The following GLRA2 variants were observed in gnomAD, a reference collection of about 807,000 sequenced individuals.
GLRA2 encodes the protein glycine receptor alpha 2.
A neutral mutation model predicts 31.6 loss-of-function variants in GLRA2; 11 were observed. The ratio of observed to expected loss-of-function variants is 0.35; its 90% CI spans 0.22 to 0.58. The LOEUF (loss-of-function observed/expected upper bound fraction) is 0.58. Ranked by LOEUF, GLRA2 falls within the 20% of genes least tolerant of loss-of-function variation. GLRA2 has a pLI of 0.84. For missense variants in GLRA2, 212 were observed against 351.8 expected, an observed-to-expected ratio of 0.60 and a Z score of 3.18; for synonymous variants, 132 against 134.0, an observed-to-expected ratio of 0.99 and a Z score of 0.10.
intron 7 of GLRA2, among the ~76,000 whole-genome samples, chrX:14,619,141 G>T (rs1214378237): frequency 9.0e-6 from 1 of 110,930 alleles, no homozygotes; most frequent in African/African-American, 3.3e-5. Context: ...TTGGGGTCTT[G>T]GGATTTAGAA....
chrX:14,466,589 A>AT, the GLRA2 span, among the ~76,000 whole-genome samples: 5 of 109,845 alleles, frequency 4.6e-5, no homozygotes, highest in African/African-American at 6.7e-5. Context: ...CCTCACAGGG[A>AT]TTTTTTTTGT....
the GLRA2 span, among the ~76,000 whole-genome samples, chrX:14,510,903 C>T: frequency 9.0e-6 from 1 of 110,679 alleles, no homozygotes; most frequent in Non-Finnish European, 1.9e-5. Context: ...TCCTTTATAA[C>T]ACTTTGGTTT....
At position 14,571,110 on chromosome X, in the gene GLRA2, G is replaced by C. The variant is rs146247705; in HGVS notation, c.203-3223G>C. ...GGAGACAAGGAAGGAACGAAGGATA[G>C]GAATGATAGTGCCATGAAAAACTAG... is the stretch of plus-strand genomic sequence containing the variant. On this transcript the variant is annotated intron_variant, in intron 2 of 8. Coordinates refer to ENST00000218075, the MANE Select transcript of GLRA2 (RefSeq NM_002063.4). 9.2e-4 allele frequency among the ~76,000 whole-genome samples: 103 copies of C among 111,525 alleles called. 1 individual carries two copies. The East Asian group carries it at 0.019, about 21-fold the overall frequency.
At chrX:14,493,724 C>CAT in the GLRA2 span, among the ~76,000 whole-genome samples, 65 of 92,973 alleles carry the variant, frequency 7.0e-4, 1 homozygote, top group African/African-American at 2.8e-3. Flanking sequence ...TACATATATA[C>CAT]GTGTATATGT....
At chrX:14,459,515 T>A in the GLRA2 span, among the ~76,000 whole-genome samples, 6 of 110,870 alleles carry the variant, frequency 5.4e-5, no homozygotes, top group African/African-American at 1.6e-4. Flanking sequence ...GCATGGAATG[T>A]TCTTCCATTT....
chrX:14,459,372 A>G, the GLRA2 span, among the ~76,000 whole-genome samples: 1 of 111,050 alleles, frequency 9.0e-6, no homozygotes, highest in African/African-American at 3.3e-5. Context: ...TTTTGGTTCC[A>G]TATGAACTTT....
intron 2 of GLRA2, among the ~76,000 whole-genome samples, chrX:14,550,178 T>A (rs939410021): frequency 1.6e-4 from 17 of 109,413 alleles, no homozygotes; most frequent in Admixed American, 1.3e-3. Flanking sequence ...AAAGTAAGTC[T>A]GTAGATTTAT....
At chrX:14,542,784 C>T (rs1029883084) in intron 2 of GLRA2, among the ~76,000 whole-genome samples, 3 of 110,304 alleles carry the variant, frequency 2.7e-5, no homozygotes, top group Non-Finnish European at 5.7e-5. Flanking sequence ...ATGATCTCTA[C>T]TTTAACATTA....
chrX:14,487,428 T>G, the GLRA2 span, among the ~76,000 whole-genome samples: 1 of 104,922 alleles, frequency 9.5e-6, no homozygotes, highest in African/African-American at 3.5e-5. Flanking sequence ...TTTCCAAAAT[T>G]CTGTTAGTAA....
intron 7 of GLRA2, among the ~76,000 whole-genome samples, chrX:14,625,414 C>T (rs111262993): frequency 0.029 from 3,182 of 111,102 alleles, 99 homozygotes; most frequent in African/African-American, 0.091. Flanking sequence ...TTATTTTGCT[C>T]GTTAGTTGAT....
At chrX:14,457,520 G>A in the GLRA2 span, among the ~76,000 whole-genome samples, 1 of 111,774 alleles carries the variant, frequency 8.9e-6, no homozygotes, top group Non-Finnish European at 1.9e-5. Flanking sequence ...CCCTGCAAAG[G>A]ATATGAACTC....
intron 4 of GLRA2, among the ~76,000 whole-genome samples, chrX:14,595,120 C>T (rs1254221472): frequency 9.0e-6 from 1 of 111,109 alleles, no homozygotes; most frequent in Non-Finnish European, 1.9e-5. Flanking sequence ...CATCTAGTTT[C>T]ATCTTTCCCT....
At chrX:14,571,556 C>T (rs1022426830) in intron 2 of GLRA2, among the ~76,000 whole-genome samples, 3 of 111,381 alleles carry the variant, frequency 2.7e-5, no homozygotes, top group Non-Finnish European at 5.7e-5. Context: ...ATAAACTCTG[C>T]GACCTTGAGA....
the GLRA2 span, among the ~76,000 whole-genome samples, chrX:14,518,333 T>C: frequency 2.7e-5 from 3 of 112,271 alleles, no homozygotes; most frequent in African/African-American, 3.2e-5. Context: ...ATGGAAGCTG[T>C]GCATATATTA....
At chrX:14,615,565 C>A (rs763588701) in intron 7 of GLRA2, among the ~76,000 whole-genome samples, 2 of 110,416 alleles carry the variant, frequency 1.8e-5, no homozygotes, top group Non-Finnish European at 3.8e-5. Flanking sequence ...GGGGAAGGAG[C>A]AAAGGAAGTA....
chrX:14,519,416 C>A, the GLRA2 span, among the ~76,000 whole-genome samples: 3 of 111,743 alleles, frequency 2.7e-5, no homozygotes, highest in Non-Finnish European at 3.8e-5. Flanking sequence ...ATAGTCAGAT[C>A]CCATTATTCT....
chrX:14,535,371 A>C (rs993376997), intron 2 of GLRA2, among the ~76,000 whole-genome samples: 1 of 112,110 alleles, frequency 8.9e-6, no homozygotes, highest in African/African-American at 3.2e-5. Context: ...ATGGGCTTTG[A>C]AAGATGTCAT....
chrX:14,523,100 A>G, the GLRA2 span, among the ~76,000 whole-genome samples: 1 of 111,487 alleles, frequency 9.0e-6, no homozygotes, highest in African/African-American at 3.3e-5. Context: ...GTTTACGCTA[A>G]CCCCCTTCAT....
At chrX:14,688,708 C>T (rs1476761249) in intron 7 of GLRA2, among the ~76,000 whole-genome samples, 3 of 110,858 alleles carry the variant, frequency 2.7e-5, no homozygotes, top group African/African-American at 9.9e-5. Context: ...TCACCCCTTC[C>T]CTTGGCTAGG....
Sources: gnomAD v4.1 joint callset for allele counts (sites outside exome capture counted in the v4.1 genomes callset) on GRCh38, gnomAD v4.1.1 for gene constraint, MANE v1.5 for transcripts, NCBI Gene and HGNC (gene_info 2026-07-23, HGNC 2026-07-21) for gene names.